Variants in LDLRAD4 observed in about 807,000 individuals in gnomAD.
The protein encoded by LDLRAD4 is low density lipoprotein receptor class A domain containing 4, also known as low-density lipoprotein receptor class A domain-containing protein 4.
LDLRAD4 carries 5 observed loss-of-function variants against 17.0 expected under a neutral mutation model. The observed-to-expected ratio is 0.29, with a 90% CI of 0.15 to 0.62. The LOEUF (loss-of-function observed/expected upper bound fraction) is 0.62, where lower values mean the gene tolerates loss of function less well. LDLRAD4 is among the 20% of genes least tolerant of loss of function. The pLI, the probability that LDLRAD4 is intolerant of heterozygous loss-of-function variation, is 0.84. For missense variants in LDLRAD4, 340 were observed against 424.7 expected (o/e 0.80, Z 1.75); for synonymous variants, 168 against 171.8 (o/e 0.98, Z 0.17).
At chr18:13,234,077 C>T (rs922265986) in intron 1 of LDLRAD4, among the ~76,000 whole-genome samples, 23 of 152,228 alleles carry the variant, frequency 1.5e-4, no homozygotes, top group African/African-American at 5.5e-4. Context: ...TCACTTTTCA[C>T]TGTCACCACC....
intron 3 of LDLRAD4, among the ~76,000 whole-genome samples, chr18:13,483,624 G>A (rs2093149492): frequency 6.6e-6 from 1 of 152,184 alleles, no homozygotes; most frequent in African/African-American, 2.4e-5. Flanking sequence ...GGCAAGCTAG[G>A]ATGTGTTTGC....
chr18:13,320,327 T>C (rs2081150446), intron 1 of LDLRAD4, among the ~76,000 whole-genome samples: 1 of 152,234 alleles, frequency 6.6e-6, no homozygotes, highest in South Asian at 2.1e-4. Context: ...ATCTGTTGCC[T>C]TTTCTTTATT....
chr18:13,321,759 G>T (rs1387140450), intron 1 of LDLRAD4, among the ~76,000 whole-genome samples: 1 of 150,540 alleles, frequency 6.6e-6, no homozygotes, highest in East Asian at 2.0e-4. Context: ...TGCTCGGGAG[G>T]CTGAGGCAGG....
At chr18:13,612,516 G>T in intron 3 of LDLRAD4, 1 of 1,423,330 alleles carries the variant, frequency 7.0e-7, no homozygotes, top group Non-Finnish European at 9.2e-7. Context: ...ATACAGTAGA[G>T]AGAGAGTGAA....
At chr18:13,595,360 C>G (rs1233923783) in intron 3 of LDLRAD4, among the ~76,000 whole-genome samples, 1 of 152,176 alleles carries the variant, frequency 6.6e-6, no homozygotes, top group East Asian at 1.9e-4. Context: ...CTATAAATTT[C>G]CTTCAGAGTA....
At chr18:13,235,209 C>T (rs913196846) in intron 1 of LDLRAD4, 1 of 151,932 alleles carries the variant, frequency 6.6e-6, no homozygotes, top group Non-Finnish European at 1.5e-5. Context: ...TGAGATTGCG[C>T]CATTGCACTC....
intron 2 of LDLRAD4, among the ~76,000 whole-genome samples, chr18:13,428,338 G>T (rs1200186124): frequency 6.6e-6 from 1 of 152,150 alleles, no homozygotes; most frequent in Non-Finnish European, 1.5e-5. Flanking sequence ...GAAAGCTCTG[G>T]GCAGAGGAGC....
chr18:13,643,430 G>A lies in LDLRAD4; in HGVS notation c.390+18G>A. 9.3e-7 allele frequency: 1 copy of A among 1,069,850 alleles called. No individual in the cohort carries two copies. Among genetic ancestry groups the A allele is most frequent in the Non-Finnish European group, 1.2e-6 (1 of 821,554 alleles). 66.3% of individuals were successfully genotyped at this position (1,069,850 alleles called of 1,614,324 possible). A position where few individuals can be genotyped will look rare whatever the true frequency, so the allele number is the denominator to read the frequency against. On this transcript the variant is annotated intron_variant, in intron 5 of 5. Coordinates refer to ENST00000359446, the Ensembl canonical transcript of LDLRAD4. ...CCTCGGAGGTAAGGGGCCCCAGGAG[G>A]TGATGGCTGCGGGGGGCGGGGGGGG...
intron 3 of LDLRAD4, among the ~76,000 whole-genome samples, chr18:13,563,285 CAGTT>C (rs1201452819): frequency 3.9e-5 from 6 of 152,322 alleles, no homozygotes; most frequent in African/African-American, 9.6e-5. Context: ...TTTAGGCTGA[CAGTT>C]AGACCCAGTT....
At position 13,346,238 on chromosome 18, in the gene LDLRAD4, A is replaced by C. The variant is rs930588145; in HGVS notation, c.-382-41103A>C. On this transcript the variant is annotated intron_variant, in intron 1 of 5. Coordinates refer to ENST00000359446, the Ensembl canonical transcript of LDLRAD4. ...TTTAGTGCTATAAGTTTCCCTCTACACACTGCTTTGAATGTGTCCCAGAGA... is the reference window on the plus strand; with the variant it reads ...TTTAGTGCTATAAGTTTCCCTCTACCCACTGCTTTGAATGTGTCCCAGAGA... 3.0e-4 allele frequency among the ~76,000 whole-genome samples: 45 copies of C among 150,864 alleles called. 1 individual carries two copies. The highest frequency in any genetic ancestry group is 8.9e-5 in the Non-Finnish European group (6 of 67,512).
At chr18:13,529,639 G>A (rs2094096339) in intron 3 of LDLRAD4, among the ~76,000 whole-genome samples, 2 of 152,204 alleles carry the variant, frequency 1.3e-5, no homozygotes, top group Admixed American at 6.5e-5. Context: ...AGAAACAAAG[G>A]TTGAGCTGCT....
intron 3 of LDLRAD4, among the ~76,000 whole-genome samples, chr18:13,600,460 T>C (rs748196444): frequency 5.9e-5 from 9 of 152,316 alleles, no homozygotes; most frequent in Non-Finnish European, 1.3e-4. Flanking sequence ...ACCCTGGGTC[T>C]CCTGACCAGC....
chr18:13,358,246 A>G (rs1052557946), intron 1 of LDLRAD4, among the ~76,000 whole-genome samples: 1 of 152,186 alleles, frequency 6.6e-6, no homozygotes, highest in African/African-American at 2.4e-5. Flanking sequence ...GGACAGAGCC[A>G]GGGATGTATG....
intron 3 of LDLRAD4, among the ~76,000 whole-genome samples, chr18:13,581,891 A>G (rs2094865274): frequency 6.6e-6 from 1 of 152,150 alleles, no homozygotes; most frequent in African/African-American, 2.4e-5. Flanking sequence ...ATGTGTGTGC[A>G]TGTATGTTCA....
At chr18:13,396,058 T>G (rs1599909572) in intron 2 of LDLRAD4, among the ~76,000 whole-genome samples, 1 of 152,266 alleles carries the variant, frequency 6.6e-6, no homozygotes, top group Admixed American at 6.5e-5. Context: ...AACCCAGAAA[T>G]GGGATGCAAA....
intron 3 of LDLRAD4, among the ~76,000 whole-genome samples, chr18:13,589,438 G>T (rs2094979774): frequency 6.6e-6 from 1 of 152,182 alleles, no homozygotes; most frequent in African/African-American, 2.4e-5. Context: ...TGGAGACCCA[G>T]GGAGAGACTG....
rs150143780 is a variant in LDLRAD4, at chr18:13,610,743, G to C, written c.182-10374G>C. On this transcript the variant is annotated intron_variant, in intron 3 of 5. Transcript: ENST00000359446. ...CCTCGGGGCTCCAGGGACAAGGGGC[G>C]CTGGTAGCCAGGGAGGGGCGGCTTG... is the stretch of plus-strand genomic sequence containing the variant. 2.0e-5 allele frequency among the ~76,000 whole-genome samples: 3 copies of C among 152,160 alleles called. No homozygotes were observed. In the South Asian group the frequency reaches 6.2e-4, roughly 32 times the overall value.
At chr18:13,397,989 G>GC (rs2086840924) in intron 2 of LDLRAD4, among the ~76,000 whole-genome samples, 1 of 152,238 alleles carries the variant, frequency 6.6e-6, no homozygotes, top group Admixed American at 6.5e-5. Context: ...CCCTGAGACA[G>GC]CCCCAGGAGG....
At chr18:13,346,753 G>T (rs991923282) in intron 1 of LDLRAD4, among the ~76,000 whole-genome samples, 21 of 152,128 alleles carry the variant, frequency 1.4e-4, no homozygotes, top group African/African-American at 4.6e-4. Flanking sequence ...TTATGAATCT[G>T]GGTGCTCCTG....
Sources: gnomAD v4.1 joint callset for allele counts (sites outside exome capture counted in the v4.1 genomes callset) on GRCh38, gnomAD v4.1.1 for gene constraint, MANE v1.5 for transcripts, NCBI Gene and HGNC (gene_info 2026-07-23, HGNC 2026-07-21) for gene names.